Variants in MPPED1 observed in about 807,000 individuals in gnomAD.
MPPED1 encodes the protein metallophosphoesterase domain-containing protein 1.
In MPPED1, 16 loss-of-function variants were observed where a neutral mutation model predicts 36.2. That is an observed-to-expected ratio of 0.44 (90% CI 0.30 to 0.67). The LOEUF (loss-of-function observed/expected upper bound fraction) is 0.67, where lower values mean the gene tolerates loss of function less well. Among genes scored for constraint, MPPED1 ranks in the 30% least tolerant of loss-of-function variants. The pLI is 0.10. For synonymous variants in MPPED1, 199 were observed against 191.3 expected, an observed-to-expected ratio of 1.04 and a Z score of -0.33; for missense variants, 307 against 453.4, an observed-to-expected ratio of 0.68 and a Z score of 2.93.
intron 5 of MPPED1, among the ~76,000 whole-genome samples, chr22:43,499,314 GT>G (rs1932541289): frequency 1.3e-5 from 1 of 77,170 alleles, no homozygotes; most frequent in Non-Finnish European, 3.6e-5. Flanking sequence ...GGTGATAGAA[GT>G]GGTGACGTGG....
At chr22:43,456,932 A>G (rs1930776248) in intron 3 of MPPED1, among the ~76,000 whole-genome samples, 1 of 152,188 alleles carries the variant, frequency 6.6e-6, no homozygotes, top group Non-Finnish European at 1.5e-5. Flanking sequence ...AACCAACCTT[A>G]CATTCCTGAG....
At chr22:43,480,426 G>T (rs1276945058) in intron 4 of MPPED1, among the ~76,000 whole-genome samples, 1 of 152,194 alleles carries the variant, frequency 6.6e-6, no homozygotes, top group African/African-American at 2.4e-5. Flanking sequence ...TCTCTGGGTG[G>T]TTTTCATTTG....
chr22:43,412,038 A>AGGC lies in MPPED1; in HGVS notation c.-195_-193dup. The AGGC allele has an allele frequency of 1.0e-6, 1 of 977,836 alleles. No homozygotes were observed. 60.6% of individuals were successfully genotyped at this position (977,836 alleles called of 1,614,324 possible). A position where few individuals can be genotyped will look rare whatever the true frequency, so the allele number is the denominator to read the frequency against. ...CACTTGCAGCCTCGGACGCGCGGCG[A>AGGC]GGCGGCCGCCGCCGGAGGAGCCCCC... On this transcript the variant is annotated 5_prime_UTR_variant, in exon 1 of 7. Coordinates refer to ENST00000443721, the MANE Select transcript of MPPED1 (RefSeq NM_001044370.2).
chr22:43,435,228 T>C lies in MPPED1; in HGVS notation c.406+13T>C. ...AACGAGTGGCTGGGTAGGTCCCTCCTGCCCCGGGCGGGCGGCTGTGCTGAG... is the reference window on the plus strand; with the variant it reads ...AACGAGTGGCTGGGTAGGTCCCTCCCGCCCCGGGCGGGCGGCTGTGCTGAG... On this transcript the variant is annotated intron_variant, in intron 3 of 6. Coordinates refer to ENST00000443721, the MANE Select transcript of MPPED1 (RefSeq NM_001044370.2). 1 of 1,599,698 alleles carries C rather than the reference T, an allele frequency of 6.3e-7. No homozygotes were observed. The highest frequency in any genetic ancestry group is 8.5e-7 in the Non-Finnish European group (1 of 1,177,944).
At chr22:43,441,521 T>G (rs1930148927) in intron 3 of MPPED1, among the ~76,000 whole-genome samples, 1 of 152,114 alleles carries the variant, frequency 6.6e-6, no homozygotes, top group Admixed American at 6.5e-5. Context: ...GGGTGTTTGT[T>G]GTAAAAGCGT....
intron 6 of MPPED1, among the ~76,000 whole-genome samples, chr22:43,503,283 C>T (rs948560318): frequency 2.0e-5 from 3 of 152,312 alleles, no homozygotes; most frequent in East Asian, 3.9e-4. Context: ...TGCGTGCAGG[C>T]GTTCCCTAGT....
chr22:43,427,810 G>A (rs917929380), intron 2 of MPPED1, among the ~76,000 whole-genome samples: 7 of 151,996 alleles, frequency 4.6e-5, no homozygotes, highest in Non-Finnish European at 1.0e-4. Context: ...TTGCCGTGCC[G>A]CCCTCCTTGG....
At chr22:43,458,134 A>G (rs1359876133) in intron 3 of MPPED1, among the ~76,000 whole-genome samples, 1 of 151,940 alleles carries the variant, frequency 6.6e-6, no homozygotes, top group Non-Finnish European at 1.5e-5. Flanking sequence ...GCGTAAGTAC[A>G]CTCTGCTGTT....
At chr22:43,430,221 G>A (rs1284432431) in intron 2 of MPPED1, among the ~76,000 whole-genome samples, 1 of 152,230 alleles carries the variant, frequency 6.6e-6, no homozygotes, top group African/African-American at 2.4e-5. Flanking sequence ...GTTACGAGGG[G>A]TAACAGCCTC....
chr22:43,454,112 G>A (rs1930670574), intron 3 of MPPED1, among the ~76,000 whole-genome samples: 1 of 151,630 alleles, frequency 6.6e-6, no homozygotes, highest in Admixed American at 6.6e-5. Flanking sequence ...TGGTTCAAGC[G>A]ATTCTCCTGC....
At chr22:43,464,828 C>G (rs1569078396) in intron 3 of MPPED1, among the ~76,000 whole-genome samples, 1 of 152,244 alleles carries the variant, frequency 6.6e-6, no homozygotes, top group Non-Finnish European at 1.5e-5. Flanking sequence ...CCATCCATCT[C>G]TTTCCAGCTT....
chr22:43,463,320 T>C (rs1261048744), intron 3 of MPPED1, among the ~76,000 whole-genome samples: 1 of 147,136 alleles, frequency 6.8e-6, no homozygotes, highest in African/African-American at 2.6e-5. Flanking sequence ...ATGTTGGGCT[T>C]ATGATTTTTT....
chr22:43,488,537 A>G (rs937752281), intron 4 of MPPED1, among the ~76,000 whole-genome samples: 1 of 152,160 alleles, frequency 6.6e-6, no homozygotes, highest in Non-Finnish European at 1.5e-5. Context: ...GCTTAATTAG[A>G]CGGGACTCGA....
chr22:43,453,101 T>C (rs1930631174), intron 3 of MPPED1, among the ~76,000 whole-genome samples: 1 of 151,688 alleles, frequency 6.6e-6, no homozygotes, highest in African/African-American at 2.4e-5. Context: ...AGGCACCCGC[T>C]ACCACGCCCG....
At chr22:43,452,106 C>G (rs1030305994) in intron 3 of MPPED1, among the ~76,000 whole-genome samples, 3 of 151,680 alleles carry the variant, frequency 2.0e-5, no homozygotes, top group African/African-American at 4.8e-5. Context: ...CAACCTCTGC[C>G]TCCCAGGTTC....
At chr22:43,447,582 C>A (rs1930388494) in intron 3 of MPPED1, among the ~76,000 whole-genome samples, 1 of 151,908 alleles carries the variant, frequency 6.6e-6, no homozygotes, top group South Asian at 2.1e-4. Context: ...ACGATCGCCA[C>A]TTAGAGAGAG....
At chr22:43,489,307 C>A (rs908616566) in intron 4 of MPPED1, among the ~76,000 whole-genome samples, 5 of 151,972 alleles carry the variant, frequency 3.3e-5, no homozygotes, top group Admixed American at 6.5e-5. Context: ...TACAGGAGGC[C>A]GGGGGCTGTC....
Position 43,474,844 on chromosome 22 carries a change from C to T in MPPED1, c.515C>T (p.Ser172Phe). Residue 172 changes from serine to phenylalanine, a missense_variant, in exon 4 of 7, where the codon TCT (serine) becomes TTT (phenylalanine). Transcript: ENST00000443721. The surrounding 1 kb of genome is among the most constrained non-coding windows in gnomAD (Gnocchi z 5.2). ...LIKQDFYYFP[S>F]VSKLKPENYE... The stretch of plus-strand genomic sequence containing the variant: ...AAGCAGGACTTTTACTACTTCCCAT[C>T]TGTGTCGAAGCTGAAGCCGGAGAAC... 3 of 1,614,066 alleles carry T rather than the reference C, an allele frequency of 1.9e-6. No individual in the cohort carries two copies. The highest frequency in any genetic ancestry group is 2.5e-6 in the Non-Finnish European group (3 of 1,179,906).
At chr22:43,426,034 T>G (rs1479397034) in intron 2 of MPPED1, among the ~76,000 whole-genome samples, 1 of 152,148 alleles carries the variant, frequency 6.6e-6, no homozygotes, top group South Asian at 2.1e-4. Context: ...GGTGGTTCCC[T>G]GAGTTCCTGG....
Sources: allele counts gnomAD v4.1 joint callset (sites outside exome capture counted in the v4.1 genomes callset), GRCh38; gene constraint gnomAD v4.1.1; non-coding constraint Gnocchi (gnomAD v3.1); transcripts MANE v1.5; gene names NCBI Gene and HGNC (gene_info 2026-07-23, HGNC 2026-07-21).